PLSCR4: variants seen among roughly 807,000 people sequenced by gnomAD.
The protein encoded by PLSCR4 is Ca(2+)-dependent phospholipid scramblase 4.
Under a neutral mutation model 36.3 loss-of-function variants are expected in PLSCR4, and 25 were observed. That is an observed-to-expected ratio of 0.69 (90% CI 0.50 to 0.96). The LOEUF is 0.96. Ranked by LOEUF, PLSCR4 falls within the 40% of genes least tolerant of loss-of-function variation. The pLI is 0.00. For missense variants in PLSCR4, 408 were observed against 414.7 expected (o/e 0.98, Z 0.14); for synonymous variants, 122 against 132.9 (o/e 0.92, Z 0.56).
In PLSCR4 at chr3:146,224,921, C is replaced by T. The variant is rs188571784; in HGVS notation, c.-21-2829G>A. Reference sequence around the variant, plus strand: ...AGATTAGTTAGATACAGAGTATGGACACAAAGGTTCTCCAAGGCCCCACCA... The same window carrying T: ...AGATTAGTTAGATACAGAGTATGGATACAAAGGTTCTCCAAGGCCCCACCA... On this transcript the variant is annotated intron_variant, in intron 1 of 8. Coordinates refer to ENST00000354952, the MANE Select transcript of PLSCR4 (RefSeq NM_020353.3). Among the ~76,000 whole-genome samples, 33 of 150,192 alleles carry T rather than the reference C, an allele frequency of 2.2e-4. No homozygotes were observed. In the East Asian group the frequency reaches 5.3e-3, roughly 24 times the overall value.
intron 1 of PLSCR4, among the ~76,000 whole-genome samples, chr3:146,240,721 C>T (rs374168994): frequency 0.017 from 2,560 of 152,102 alleles, 77 homozygotes; most frequent in African/African-American, 0.058. Flanking sequence ...CTTCATATGT[C>T]GCTGAGGAAT....
At chr3:146,239,808 G>A (rs983698816) in intron 1 of PLSCR4, among the ~76,000 whole-genome samples, 6 of 152,180 alleles carry the variant, frequency 3.9e-5, no homozygotes, top group Admixed American at 3.9e-4. Context: ...ACTTGAACCC[G>A]GGAGGTGGGG....
intron 1 of PLSCR4, among the ~76,000 whole-genome samples, chr3:146,230,911 T>C (rs1419154080): frequency 6.6e-6 from 1 of 152,152 alleles, no homozygotes; most frequent in African/African-American, 2.4e-5. Context: ...TGCAGGTTTG[T>C]AACATGGCTA....
intron 1 of PLSCR4, among the ~76,000 whole-genome samples, chr3:146,246,127 T>A (rs1189229618): frequency 2.0e-5 from 3 of 152,062 alleles, no homozygotes; most frequent in African/African-American, 7.2e-5. Flanking sequence ...TAAACCTAGG[T>A]CCATGTTGAT....
At chr3:146,212,410 G>GC (rs2034669258) in intron 3 of PLSCR4, among the ~76,000 whole-genome samples, 1 of 146,860 alleles carries the variant, frequency 6.8e-6, no homozygotes, top group African/African-American at 2.5e-5. Context: ...TGTGCTGTTT[G>GC]TGGGTATATA....
At position 146,220,828 on chromosome 3, in the gene PLSCR4, A is replaced by G. The variant is rs777100660; in HGVS notation, c.105T>C (p.Ser35=). Residue 35 remains serine, a synonymous_variant, in exon 3 of 9, where the codon TCT becomes TCC. Coordinates refer to ENST00000354952, the MANE Select transcript of PLSCR4 (RefSeq NM_020353.3). ...TATTTAACCCACCTGGTAAAAAATG[A>G]GAATTGTATTCAGGAGGAGCATCAG... ...PRPDAPPEYN[S]HFLPGPPGTA... is the part of the protein sequence containing the mutation. 6.2e-7 allele frequency: 1 copy of G among 1,600,212 alleles called. No individual in the cohort carries two copies. The highest frequency in any genetic ancestry group is 1.7e-5 in the Admixed American group (1 of 59,606).
intron 1 of PLSCR4, among the ~76,000 whole-genome samples, chr3:146,228,988 C>G (rs2035586847): frequency 6.6e-6 from 1 of 152,084 alleles, no homozygotes; most frequent in Admixed American, 6.6e-5. Flanking sequence ...ATACACCTTG[C>G]TTTAAAAAGA....
rs1179808905 is a variant in PLSCR4, at chr3:146,223,951, A to G, written c.-21-1859T>C. On this transcript the variant is annotated intron_variant, in intron 1 of 8. Transcript: ENST00000354952. ...TAATACAAATATATAATAATTATAA[A>G]TAATAAATATTTATTTATTTATTTA... Among the ~76,000 whole-genome samples the G allele has an allele frequency of 5.1e-5, 7 of 135,986 alleles. No homozygotes were observed. In the East Asian group the frequency reaches 1.4e-3, roughly 27 times the overall value. The allele number at this position is 135,986 out of a possible 152,430, so 89.2% of individuals were successfully genotyped here.
chr3:146,227,733 G>C (rs1576483254), intron 1 of PLSCR4, among the ~76,000 whole-genome samples: 3 of 152,238 alleles, frequency 2.0e-5, no homozygotes, highest in Middle Eastern at 6.8e-3. Flanking sequence ...TAAAACTCTG[G>C]GTCCTGTCTG....
intron 1 of PLSCR4, among the ~76,000 whole-genome samples, chr3:146,222,977 G>A (rs370953714): frequency 6.6e-6 from 1 of 152,060 alleles, no homozygotes; most frequent in Non-Finnish European, 1.5e-5. Flanking sequence ...AGTGGAAGAG[G>A]GTTCTGAGTC....
At chr3:146,250,179 C>T (rs2036489744) in intron 1 of PLSCR4, among the ~76,000 whole-genome samples, 1 of 152,076 alleles carries the variant, frequency 6.6e-6, no homozygotes, top group Non-Finnish European at 1.5e-5. Flanking sequence ...GCTAGTATTT[C>T]ACAGCTATCC....
intron 1 of PLSCR4, among the ~76,000 whole-genome samples, chr3:146,227,652 G>A (rs1406459156): frequency 6.6e-6 from 1 of 152,100 alleles, no homozygotes; most frequent in Non-Finnish European, 1.5e-5. Context: ...AGCTATCCTG[G>A]CCTCTCCACA....
Position 146,240,053 on chromosome 3 carries a change from T to A in PLSCR4, c.-22+10907A>T, listed in dbSNP as rs1576496813. Among the ~76,000 whole-genome samples, 5 of 152,180 alleles carry A rather than the reference T, an allele frequency of 3.3e-5. No homozygotes were observed. In the South Asian group the frequency reaches 1.0e-3, roughly 32 times the overall value. ...AATAAATAAATTGGACTCATAAAAA[T>A]TTAAAAGGTTTGTAATTCAAAGGAC... On this transcript the variant is annotated intron_variant, in intron 1 of 8. Transcript: ENST00000354952.
rs941814835 is a variant in PLSCR4, at chr3:146,192,468, T to C, written c.*1943A>G. 47 of 151,406 alleles carry C rather than the reference T, an allele frequency of 3.1e-4. No homozygotes were observed. The highest frequency in any genetic ancestry group is 5.6e-4 in the Non-Finnish European group (38 of 67,794). The allele number at this position is 151,406 out of a possible 1,614,324, so 9.4% of individuals were successfully genotyped here. ...CACAACAAAATATCATTAAGAAACA[T>C]AGAAATCATGTGAATTGTATTAAAA... On this transcript the variant is annotated 3_prime_UTR_variant, in exon 9 of 9. Transcript: ENST00000354952.
At chr3:146,221,235 G>A (rs1368900727) in intron 2 of PLSCR4, among the ~76,000 whole-genome samples, 1 of 152,096 alleles carries the variant, frequency 6.6e-6, no homozygotes, top group African/African-American at 2.4e-5. Context: ...TAAATTCCTG[G>A]CATAATAGCA....
chr3:146,236,310 G>A (rs765709442), intron 1 of PLSCR4, among the ~76,000 whole-genome samples: 2 of 152,082 alleles, frequency 1.3e-5, no homozygotes, highest in African/African-American at 2.4e-5. Flanking sequence ...ACAGAAAGGA[G>A]AGCAAGCATG....
chr3:146,202,532 C>T (rs763051513), intron 4 of PLSCR4, among the ~76,000 whole-genome samples: 12 of 152,008 alleles, frequency 7.9e-5, no homozygotes, highest in Non-Finnish European at 1.6e-4. Flanking sequence ...AGGGTCTTGT[C>T]TCTATGTTAA....
intron 3 of PLSCR4, among the ~76,000 whole-genome samples, chr3:146,215,188 T>C (rs2034835245): frequency 6.6e-6 from 1 of 152,032 alleles, no homozygotes. Context: ...ATATTAATTT[T>C]TGAAAATATA....
intron 1 of PLSCR4, among the ~76,000 whole-genome samples, chr3:146,244,856 A>C (rs1037887495): frequency 8.5e-5 from 13 of 152,292 alleles, no homozygotes; most frequent in African/African-American, 3.1e-4. Flanking sequence ...AAGCAAAGAC[A>C]GGCCAAAAGC....
Sources: gnomAD v4.1 joint callset for allele counts (sites outside exome capture counted in the v4.1 genomes callset) on GRCh38, gnomAD v4.1.1 for gene constraint, MANE v1.5 for transcripts, NCBI Gene and HGNC (gene_info 2026-07-23, HGNC 2026-07-21) for gene names.